Variants in BRINP3 observed in about 807,000 individuals in gnomAD.
BRINP3 encodes the protein BMP/retinoic acid-inducible neural-specific protein 3.
BRINP3 carries 19 observed loss-of-function variants against 71.0 expected under a neutral mutation model. The ratio of observed to expected loss-of-function variants is 0.27; its 90% confidence interval spans 0.19 to 0.39. The LOEUF is 0.39. BRINP3 is among the 10% of genes least tolerant of loss of function. The probability of loss-of-function intolerance (pLI) is 1.00; values close to 1 mark genes in which losing one functional copy is unlikely to be tolerated. For missense variants in BRINP3, 959 were observed against 940.8 expected (o/e 1.02, Z -0.25); for synonymous variants, 380 against 337.7 (o/e 1.13, Z -1.37).
intron 2 of BRINP3, among the ~76,000 whole-genome samples, chr1:190,307,670 C>T (rs890799099): frequency 6.6e-6 from 1 of 150,768 alleles, no homozygotes; most frequent in African/African-American, 2.4e-5. Context: ...AGATTTTGCT[C>T]ATCAGTAATG....
chr1:190,327,326 C>CAAAAAAAAAAAAACAA (rs1666651625), intron 2 of BRINP3, among the ~76,000 whole-genome samples: 1 of 44,232 alleles, frequency 2.3e-5, no homozygotes, highest in Non-Finnish European at 4.8e-5. Flanking sequence ...AAAAAAAGAA[C>CAAAAAAAAAAAAACAA]AAAAAAAAAA....
At position 190,428,521 on chromosome 1, in the gene BRINP3, T is replaced by A. The variant is rs80110237; in HGVS notation, c.236+26134A>T. ...TTGACACTACAGAGGTCGTCTGAAA[T>A]TTCTATCTTGTTTGTGTTCATTTAA... On this transcript the variant is annotated intron_variant, in intron 2 of 7. Transcript: ENST00000367462. Among the ~76,000 whole-genome samples the A allele has an allele frequency of 2.8e-3, 425 of 152,166 alleles. 24 individuals are homozygous for A. The East Asian group carries it at 0.07, about 25-fold the overall frequency.
chr1:190,102,936 A>G (rs183825872), intron 7 of BRINP3, among the ~76,000 whole-genome samples: 97 of 152,242 alleles, frequency 6.4e-4, no homozygotes, highest in African/African-American at 2.2e-3. Flanking sequence ...TAATGTTTAT[A>G]CCACTGAGAA....
intron 7 of BRINP3, among the ~76,000 whole-genome samples, chr1:190,140,405 C>A (rs1313484140): frequency 6.6e-6 from 1 of 152,040 alleles, no homozygotes; most frequent in African/African-American, 2.4e-5. Context: ...TAAATGACTT[C>A]ATTTGCCATG....
chr1:190,265,616 T>A (rs1444084355), intron 3 of BRINP3, among the ~76,000 whole-genome samples: 7 of 150,502 alleles, frequency 4.7e-5, no homozygotes, highest in Non-Finnish European at 8.9e-5. Flanking sequence ...CCGGAGGCTG[T>A]GGCAGAAGAA....
chr1:190,377,972 A>G (rs953768542), intron 2 of BRINP3, among the ~76,000 whole-genome samples: 2 of 152,170 alleles, frequency 1.3e-5, no homozygotes, highest in Non-Finnish European at 2.9e-5. Context: ...TATTGATTCA[A>G]TATATCCATA....
At chr1:190,144,506 T>C (rs145326588) in intron 7 of BRINP3, among the ~76,000 whole-genome samples, 327 of 152,256 alleles carry the variant, frequency 2.1e-3, no homozygotes, top group African/African-American at 7.4e-3. Flanking sequence ...TTATTTCCAT[T>C]AAGATACTTT....
Position 190,130,160 on chromosome 1 carries a change from G to T in BRINP3, c.1184+30508C>A, listed in dbSNP as rs1479658942. Among the ~76,000 whole-genome samples the T allele has an allele frequency of 5.3e-5, 8 of 151,930 alleles. No homozygotes were observed. In the South Asian group the frequency reaches 8.3e-4, roughly 16 times the overall value. The stretch of plus-strand genomic sequence containing the variant: ...TTGCAAGTTTTAAGAGCAAATAAGA[G>T]AATTGACCCAAATCTTTGAGCTGTT... On this transcript the variant is annotated intron_variant, in intron 7 of 7. Transcript: ENST00000367462.
At chr1:190,201,481 T>C (rs1205747687) in intron 6 of BRINP3, among the ~76,000 whole-genome samples, 1 of 152,228 alleles carries the variant, frequency 6.6e-6, no homozygotes, top group Non-Finnish European at 1.5e-5. Context: ...AAATTCAAGC[T>C]GGCTGCATAA....
intron 2 of BRINP3, among the ~76,000 whole-genome samples, chr1:190,327,464 G>C (rs1666684124): frequency 7.6e-6 from 1 of 131,500 alleles, no homozygotes; most frequent in Non-Finnish European, 1.6e-5. Flanking sequence ...AAGTTGGAGA[G>C]AGATCAAGGA....
At chr1:190,216,030 A>G (rs1371198370) in intron 6 of BRINP3, among the ~76,000 whole-genome samples, 1 of 151,456 alleles carries the variant, frequency 6.6e-6, no homozygotes, top group African/African-American at 2.4e-5. Context: ...AAAAAAAAAC[A>G]ACTGGGGATA....
chr1:190,441,386 T>A (rs796466995), intron 2 of BRINP3, among the ~76,000 whole-genome samples: 8 of 152,190 alleles, frequency 5.3e-5, no homozygotes, highest in Non-Finnish European at 1.2e-4. Flanking sequence ...CTCACATCTG[T>A]CCAAGTCAGG....
intron 4 of BRINP3, among the ~76,000 whole-genome samples, chr1:190,262,948 C>A (rs1162834440): frequency 1.3e-5 from 2 of 151,948 alleles, no homozygotes; most frequent in Non-Finnish European, 2.9e-5. Flanking sequence ...CCACATACTT[C>A]TCCTGTGGGA....
At chr1:190,117,870 C>T (rs1353012559) in intron 7 of BRINP3, among the ~76,000 whole-genome samples, 3 of 151,846 alleles carry the variant, frequency 2.0e-5, no homozygotes, top group African/African-American at 7.2e-5. Context: ...TCTTTTTTCT[C>T]CTCATGCCAT....
At chr1:190,409,325 G>C (rs1672505564) in intron 2 of BRINP3, among the ~76,000 whole-genome samples, 1 of 152,074 alleles carries the variant, frequency 6.6e-6, no homozygotes, top group Non-Finnish European at 1.5e-5. Context: ...TGCCTTTAAA[G>C]ATAAATATAA....
chr1:190,264,548 T>G (rs573594058), intron 4 of BRINP3, among the ~76,000 whole-genome samples: 1 of 152,302 alleles, frequency 6.6e-6, no homozygotes, highest in East Asian at 1.9e-4. Flanking sequence ...GAAATTGATG[T>G]TATTAAAACA....
intron 3 of BRINP3, among the ~76,000 whole-genome samples, chr1:190,266,845 T>A (rs763190402): frequency 1.3e-5 from 2 of 152,110 alleles, no homozygotes; most frequent in Non-Finnish European, 1.5e-5. Context: ...AAGAGACATG[T>A]CTAAATAAGG....
intron 2 of BRINP3, among the ~76,000 whole-genome samples, chr1:190,365,400 C>A (rs1312171983): frequency 6.6e-6 from 1 of 151,500 alleles, no homozygotes; most frequent in African/African-American, 2.4e-5. Context: ...ACCTGCAATT[C>A]TGAACAAACT....
At chr1:190,206,576 T>C (rs1655521667) in intron 6 of BRINP3, among the ~76,000 whole-genome samples, 1 of 152,106 alleles carries the variant, frequency 6.6e-6, no homozygotes, top group South Asian at 2.1e-4. Context: ...CACAACTCGA[T>C]ATTAATGAAC....
Sources: gnomAD v4.1 joint callset for allele counts (sites outside exome capture counted in the v4.1 genomes callset) on GRCh38, gnomAD v4.1.1 for gene constraint, MANE v1.5 for transcripts, NCBI Gene and HGNC (gene_info 2026-07-23, HGNC 2026-07-21) for gene names.